The following OXR1 variants were observed in gnomAD, a reference collection of about 807,000 sequenced individuals.
OXR1 encodes the protein oxidation resistance 1, also known as oxidation resistance protein 1.
Under a neutral mutation model 104.6 loss-of-function variants are expected in OXR1, and 41 were observed. That is an observed-to-expected ratio of 0.39 (90% confidence interval 0.31 to 0.51). OXR1 has a LOEUF of 0.51. Ranked by LOEUF, OXR1 falls within the 20% of genes least tolerant of loss-of-function variation. The pLI, the probability that OXR1 is intolerant of heterozygous loss-of-function variation, is 0.77. For missense variants in OXR1, 955 were observed against 1,031.9 expected (o/e 0.93, Z 1.02); for synonymous variants, 348 against 348.4 (o/e 1.00, Z 0.01).
chr8:106,343,985 A>C lies in OXR1; in HGVS notation c.-138-15491A>C, dbSNP rs537469013. 5.3e-5 allele frequency among the ~76,000 whole-genome samples: 8 copies of C among 152,328 alleles called. No individual in the cohort carries two copies. The South Asian group carries it at 1.7e-3, about 32-fold the overall frequency. ...CCTTCCTTTACTTTCTTACCTAATA[A>C]ATTCCTGAGAATATTTGTAAGCCAG... On this transcript the variant is annotated intron_variant, in intron 1 of 16. Transcript: ENST00000517566.
Position 106,710,782 on chromosome 8 carries a change from A to G in OXR1, c.1785A>G (p.Pro595=), listed in dbSNP as rs367917714. The change falls in exon 10 of 17, where the codon CCA becomes CCG. Residue 595 remains proline, a synonymous_variant. Coordinates refer to ENST00000517566, the MANE Select transcript of OXR1 (RefSeq NM_001198533.2). ...AACATGAATATTGGTTTGCTGTGCC[A>G]CAAGAAAGGTAAAAAACCCATACGA... ...DKKHEYWFAV[P]QERTDHLYAF... is the part of the protein sequence containing the mutation. 4.6e-6 allele frequency: 7 copies of G among 1,506,416 alleles called. No individual in the cohort carries two copies. The highest frequency in any genetic ancestry group is 6.2e-6 in the Non-Finnish European group (7 of 1,124,718). 93.3% of individuals were successfully genotyped at this position (1,506,416 alleles called of 1,614,324 possible). A position where few individuals can be genotyped will look rare whatever the true frequency, so the allele number is the denominator to read the frequency against.
At position 106,752,614 on chromosome 8, in the gene OXR1, T is replaced by C. The variant is rs1249878316; in HGVS notation, c.*1673T>C. 1 of 152,526 alleles carries C rather than the reference T, an allele frequency of 6.6e-6. No homozygotes were observed. The highest frequency in any genetic ancestry group is 1.5e-5 in the Non-Finnish European group (1 of 67,940). The allele number at this position is 152,526 out of a possible 1,614,324, so 9.4% of individuals were successfully genotyped here. On this transcript the variant is annotated 3_prime_UTR_variant, in exon 17 of 17. Transcript: ENST00000517566. ...TCTTTGTGGAGTTGACTAATGATAATTTAAAAATCCTGTAATGGATTTCTA... is the reference window on the plus strand; with the variant it reads ...TCTTTGTGGAGTTGACTAATGATAACTTAAAAATCCTGTAATGGATTTCTA...
chr8:106,371,389 T>C (rs1816701484), intron 2 of OXR1, among the ~76,000 whole-genome samples: 1 of 152,130 alleles, frequency 6.6e-6, no homozygotes, highest in African/African-American at 2.4e-5. Context: ...TTTTTGTGTC[T>C]CTATCTCCTT....
At chr8:106,314,121 C>T (rs762209421) in intron 1 of OXR1, among the ~76,000 whole-genome samples, 80 of 152,154 alleles carry the variant, frequency 5.3e-4, no homozygotes, top group Non-Finnish European at 9.0e-4. Context: ...AGAGCACATA[C>T]GCAGCCTGCA....
chr8:106,553,572 G>C (rs1563601070), intron 3 of OXR1, among the ~76,000 whole-genome samples: 1 of 151,898 alleles, frequency 6.6e-6, no homozygotes, highest in African/African-American at 2.4e-5. Context: ...CACCTGCCTC[G>C]GTCTCCAAAA....
intron 1 of OXR1, among the ~76,000 whole-genome samples, chr8:106,310,219 G>T (rs1017280054): frequency 7.4e-6 from 1 of 135,726 alleles, no homozygotes; most frequent in African/African-American, 3.0e-5. Flanking sequence ...AATTGGTACA[G>T]TTCCTGTGAC....
At chr8:106,433,468 T>G (rs1819443686) in intron 2 of OXR1, among the ~76,000 whole-genome samples, 1 of 152,164 alleles carries the variant, frequency 6.6e-6, no homozygotes, top group Admixed American at 6.5e-5. Context: ...AATTTGTTAG[T>G]CCTGCAAAGG....
intron 3 of OXR1, among the ~76,000 whole-genome samples, chr8:106,597,281 A>T (rs1819605341): frequency 6.6e-6 from 1 of 152,122 alleles, no homozygotes; most frequent in African/African-American, 2.4e-5. Flanking sequence ...TTTACAAAAT[A>T]GGCTCAGGAG....
At chr8:106,540,823 T>A (rs556784783) in intron 3 of OXR1, among the ~76,000 whole-genome samples, 1 of 152,102 alleles carries the variant, frequency 6.6e-6, no homozygotes, top group Admixed American at 6.6e-5. Context: ...GTGAAAACCA[T>A]CAGATCTCGT....
chr8:106,719,304 T>C (rs1832611400), intron 11 of OXR1, among the ~76,000 whole-genome samples: 1 of 152,236 alleles, frequency 6.6e-6, no homozygotes. Flanking sequence ...CCTATTGACA[T>C]CTGCTATTTC....
rs144529453 is a variant in OXR1 at position 106,440,452 on chromosome 8, T to C, written c.24-78491T>C. Among the ~76,000 whole-genome samples, 150 of 152,250 alleles carry C rather than the reference T, an allele frequency of 9.9e-4. 1 individual carries two copies. Among genetic ancestry groups the C allele is most frequent in the African/African-American group, 3.4e-3 (143 of 41,566 alleles). On this transcript the variant is annotated intron_variant, in intron 2 of 16. Transcript: ENST00000517566. The stretch of plus-strand genomic sequence containing the variant: ...GTAGAGAAATTATATGGTATATTAT[T>C]ACATGGTAAACTATTTGGTATGTAG...
intron 3 of OXR1, among the ~76,000 whole-genome samples, chr8:106,541,882 C>T (rs769933019): frequency 3.3e-5 from 5 of 152,170 alleles, no homozygotes; most frequent in Non-Finnish European, 7.4e-5. Context: ...TTTACCCAGG[C>T]CCAGTGTTTA....
chr8:106,510,067 C>G (rs541289205), intron 2 of OXR1, among the ~76,000 whole-genome samples: 2 of 152,308 alleles, frequency 1.3e-5, no homozygotes, highest in South Asian at 4.1e-4. Context: ...CCACTGCACC[C>G]AGCCCCAACA....
intron 3 of OXR1, among the ~76,000 whole-genome samples, chr8:106,578,498 G>T (rs1818009372): frequency 6.6e-6 from 1 of 152,152 alleles, no homozygotes; most frequent in African/African-American, 2.4e-5. Context: ...ACTTTAACTT[G>T]CGAGTAAATG....
chr8:106,709,011 C>T (rs1224003794), intron 9 of OXR1, among the ~76,000 whole-genome samples: 2 of 152,006 alleles, frequency 1.3e-5, no homozygotes, highest in Admixed American at 1.3e-4. Flanking sequence ...TATATTAATA[C>T]TTGAACCAAG....
intron 1 of OXR1, among the ~76,000 whole-genome samples, chr8:106,315,937 A>G (rs1724966663): frequency 6.6e-6 from 1 of 152,224 alleles, no homozygotes; most frequent in Admixed American, 6.5e-5. Context: ...TTCGACATGA[A>G]CTAAAGAATA....
intron 2 of OXR1, among the ~76,000 whole-genome samples, chr8:106,466,498 G>A (rs1014705026): frequency 1.3e-5 from 2 of 151,584 alleles, no homozygotes; most frequent in African/African-American, 4.8e-5. Flanking sequence ...AAATCACATG[G>A]TTATCTTTGG....
In OXR1 at chr8:106,430,913, G is replaced by A. The variant is rs149038069; in HGVS notation, c.23+71277G>A. 2.4e-3 allele frequency among the ~76,000 whole-genome samples: 367 copies of A among 152,272 alleles called. 2 individuals carry two copies. Among genetic ancestry groups the A allele is most frequent in the African/African-American group, 8.5e-3 (355 of 41,554 alleles). ...GCTACTCCTCTCATTGAGATGTAAG[G>A]TCTAACTCTTCTTCCCTTCCCTTGA... On this transcript the variant is annotated intron_variant, in intron 2 of 16. Transcript: ENST00000517566.
At chr8:106,607,064 A>G (rs1004979305) in intron 3 of OXR1, among the ~76,000 whole-genome samples, 1 of 152,198 alleles carries the variant, frequency 6.6e-6, no homozygotes, top group African/African-American at 2.4e-5. Flanking sequence ...ACCAAGCTGA[A>G]AAACAAAGAG....
Sources: allele counts gnomAD v4.1 joint callset (sites outside exome capture counted in the v4.1 genomes callset), GRCh38; gene constraint gnomAD v4.1.1; transcripts MANE v1.5; gene names NCBI Gene and HGNC (gene_info 2026-07-23, HGNC 2026-07-21).